SNTB2: variants seen among roughly 807,000 people sequenced by gnomAD.
The protein encoded by SNTB2 is syntrophin beta 2, also known as beta-2-syntrophin.
Under a neutral mutation model 46.2 loss-of-function variants are expected in SNTB2, and 34 were observed. The ratio of observed to expected loss-of-function variants is 0.74; its 90% confidence interval spans 0.56 to 0.98. The LOEUF is 0.98. Ranked by LOEUF, SNTB2 falls within the 50% of genes least tolerant of loss-of-function variation. The pLI is 0.00. For missense variants in SNTB2, 603 were observed against 731.4 expected (o/e 0.82, Z 2.02); for synonymous variants, 290 against 312.6 (o/e 0.93, Z 0.76).
chr16:69,263,440 C>T (rs1238852242), intron 3 of SNTB2, among the ~76,000 whole-genome samples: 8 of 136,396 alleles, frequency 5.9e-5, no homozygotes, highest in African/African-American at 1.7e-4. Context: ...TTTTTTGAGA[C>T]GGAGTTTCGC....
At chr16:69,256,788 A>C (rs115946304) in intron 2 of SNTB2, among the ~76,000 whole-genome samples, 2,077 of 152,276 alleles carry the variant, frequency 0.014, 56 homozygotes, top group African/African-American at 0.048. Flanking sequence ...TGGGTGTACA[A>C]ATGTCTCATA....
chr16:69,293,904 GTGCCTTTTAC>G (rs1965198394), intron 5 of SNTB2, among the ~76,000 whole-genome samples: 4 of 152,202 alleles, frequency 2.6e-5, no homozygotes, highest in Non-Finnish European at 5.9e-5. Flanking sequence ...GAAGTGGGCA[GTGCCTTTTAC>G]TGCTCAGTAA....
chr16:69,275,899 C>T (rs904299035), intron 4 of SNTB2, among the ~76,000 whole-genome samples: 2 of 152,084 alleles, frequency 1.3e-5, no homozygotes, highest in Non-Finnish European at 2.9e-5. Flanking sequence ...AAATAACATG[C>T]TTAGAGTAAT....
At chr16:69,229,588 C>T (rs1456486286) in intron 1 of SNTB2, among the ~76,000 whole-genome samples, 4 of 150,240 alleles carry the variant, frequency 2.7e-5, no homozygotes, top group Non-Finnish European at 4.4e-5. Context: ...ACCTATGATC[C>T]CAGCACTTTG....
chr16:69,232,934 T>G (rs2152295162), intron 1 of SNTB2, among the ~76,000 whole-genome samples: 1 of 152,340 alleles, frequency 6.6e-6, no homozygotes, highest in East Asian at 1.9e-4. Flanking sequence ...ATACTTGAAT[T>G]TTTTTGTTAT....
Position 69,304,706 on chromosome 16 carries a change from G to A in SNTB2, c.*3782G>A, listed in dbSNP as rs556065798. The A allele has an allele frequency of 6.6e-6, 1 of 151,250 alleles. No individual in the cohort carries two copies. The highest frequency in any genetic ancestry group is 1.9e-4 in the East Asian group (1 of 5,144). 9.4% of individuals were successfully genotyped at this position (151,250 alleles called of 1,614,324 possible). A position where few individuals can be genotyped will look rare whatever the true frequency, so the allele number is the denominator to read the frequency against. On this transcript the variant is annotated 3_prime_UTR_variant, in exon 7 of 7. Coordinates refer to ENST00000336278, the MANE Select transcript of SNTB2 (RefSeq NM_006750.4). Reference sequence around the variant, plus strand: ...TGAGACAGGTTCTCACTCTGTCACCGAGGTTGGAGTGCAGTGGTATGATCA... The same window carrying A: ...TGAGACAGGTTCTCACTCTGTCACCAAGGTTGGAGTGCAGTGGTATGATCA...
At chr16:69,283,285 G>A (rs1396162947) in intron 4 of SNTB2, among the ~76,000 whole-genome samples, 1 of 152,144 alleles carries the variant, frequency 6.6e-6, no homozygotes, top group African/African-American at 2.4e-5. Flanking sequence ...TATTTTGGGG[G>A]ATTTTTAAAA....
Position 69,305,361 on chromosome 16 carries a change from A to T in SNTB2, c.*4437A>T, listed in dbSNP as rs1282809158. The T allele has an allele frequency of 2.6e-5, 4 of 152,316 alleles. No homozygotes were observed. Among genetic ancestry groups the T allele is most frequent in the Admixed American group, 2.6e-4 (4 of 15,282 alleles). The allele number at this position is 152,316 out of a possible 1,614,324, so 9.4% of individuals were successfully genotyped here. Reference sequence around the variant, plus strand: ...GACACTTATGCTGAATTATGTTCTTATTATTTTCACTGGTTATAAGCTATT... The same window carrying T: ...GACACTTATGCTGAATTATGTTCTTTTTATTTTCACTGGTTATAAGCTATT... On this transcript the variant is annotated 3_prime_UTR_variant, in exon 7 of 7. Coordinates refer to ENST00000336278, the MANE Select transcript of SNTB2 (RefSeq NM_006750.4).
intron 5 of SNTB2, among the ~76,000 whole-genome samples, chr16:69,292,428 ATATATAT>A (rs1160360217): frequency 0.1 from 786 of 7,800 alleles, 141 homozygotes; most frequent in Non-Finnish European, 0.13. Context: ...TTATATATAT[ATATATAT>A]TATATATATA....
Position 69,300,646 on chromosome 16 carries a change from A to G in SNTB2, c.1531-186A>G, listed in dbSNP as rs542279056. Among the ~76,000 whole-genome samples, 186 of 152,340 alleles carry G rather than the reference A, an allele frequency of 1.2e-3. 4 individuals carry two copies. Among genetic ancestry groups the G allele is most frequent in the Non-Finnish European group, 9.6e-4 (65 of 68,030 alleles). On this transcript the variant is annotated intron_variant, in intron 6 of 6. Transcript: ENST00000336278. The stretch of plus-strand genomic sequence containing the variant: ...CTCCTAATTGGGGATGTGAAACCTC[A>G]CACCAGTATTATGACATGGAATAAC...
chr16:69,231,672 T>C (rs1180166331), intron 1 of SNTB2, among the ~76,000 whole-genome samples: 1 of 152,112 alleles, frequency 6.6e-6, no homozygotes, highest in Non-Finnish European at 1.5e-5. Flanking sequence ...AAATATGTAA[T>C]TTGAAGTGAT....
At chr16:69,242,552 A>G (rs1964628147) in intron 1 of SNTB2, among the ~76,000 whole-genome samples, 1 of 152,224 alleles carries the variant, frequency 6.6e-6, no homozygotes, top group Non-Finnish European at 1.5e-5. Flanking sequence ...ATAAAGAAAA[A>G]AATGCAATCC....
intron 3 of SNTB2, among the ~76,000 whole-genome samples, chr16:69,262,009 GACCA>G: frequency 6.6e-6 from 1 of 152,226 alleles, no homozygotes; most frequent in South Asian, 2.1e-4. Context: ...AGGAGCTTGA[GACCA>G]ACCTGGGCAA....
rs1567416358 is a variant in SNTB2, at chr16:69,292,381, ATATATATATTATATATATATATATATT to A, written c.1346-7208_1346-7182del. On this transcript the variant is annotated intron_variant, in intron 5 of 6. Coordinates refer to ENST00000336278, the MANE Select transcript of SNTB2 (RefSeq NM_006750.4). ...ATATATATATATATATATATATATTATATATATATTATATATATATATATATTATATATATATTATATATATATATAT... is the reference window on the plus strand; with the variant it reads ...ATATATATATATATATATATATATTAATATATATATTATATATATATATAT... Among the ~76,000 whole-genome samples, 183 of 21,246 alleles carry A rather than the reference ATATATATATTATATATATATATATATT, an allele frequency of 8.6e-3. 17 individuals are homozygous for A. In the East Asian group the frequency reaches 0.2, roughly 23 times the overall value. The allele number at this position is 21,246 out of a possible 152,430, so 13.9% of individuals were successfully genotyped here.
chr16:69,218,619 C>T (rs1964371668), intron 1 of SNTB2, among the ~76,000 whole-genome samples: 1 of 152,050 alleles, frequency 6.6e-6, no homozygotes, highest in Admixed American at 6.6e-5. Flanking sequence ...GACGGGGTTT[C>T]ACTGTGTTAG....
chr16:69,297,922 C>CA (rs962403062), intron 5 of SNTB2, among the ~76,000 whole-genome samples: 13 of 151,608 alleles, frequency 8.6e-5, no homozygotes, highest in South Asian at 4.2e-4. Flanking sequence ...TCAAAACAAA[C>CA]AAAAAAAAGA....
intron 1 of SNTB2, among the ~76,000 whole-genome samples, chr16:69,216,575 C>A (rs2152292974): frequency 6.6e-6 from 1 of 151,648 alleles, no homozygotes; most frequent in East Asian, 1.9e-4. Context: ...GTTTCAGCTA[C>A]TCAGGAGGCT....
chr16:69,239,117 C>G (rs1258560422), intron 1 of SNTB2, among the ~76,000 whole-genome samples: 6 of 152,130 alleles, frequency 3.9e-5, no homozygotes, highest in Non-Finnish European at 7.4e-5. Context: ...CACTGTCTCC[C>G]TGGCTGGAAT....
intron 3 of SNTB2, among the ~76,000 whole-genome samples, chr16:69,266,510 A>G (rs146805063): frequency 4.6e-5 from 7 of 152,206 alleles, no homozygotes; most frequent in Admixed American, 1.3e-4. Flanking sequence ...GAAAGAGTTA[A>G]AAGAGTAAAC....
Sources: gnomAD v4.1 joint callset for allele counts (sites outside exome capture counted in the v4.1 genomes callset) on GRCh38, gnomAD v4.1.1 for gene constraint, MANE v1.5 for transcripts, NCBI Gene and HGNC (gene_info 2026-07-23, HGNC 2026-07-21) for gene names.